DLGAP4: variants seen among roughly 807,000 people sequenced by gnomAD.
DLGAP4 encodes the protein disks large-associated protein 4.
DLGAP4 carries 18 observed loss-of-function variants against 86.9 expected under a neutral mutation model. The ratio of observed to expected loss-of-function variants is 0.21; its 90% confidence interval spans 0.14 to 0.31. The LOEUF (loss-of-function observed/expected upper bound fraction) is 0.31. Ranked by LOEUF, DLGAP4 falls within the 10% of genes least tolerant of loss-of-function variation. The pLI is 1.00. For synonymous variants in DLGAP4, 548 were observed against 574.3 expected, an observed-to-expected ratio of 0.95 and a Z score of 0.65; for missense variants, 1,085 against 1,362.6, an observed-to-expected ratio of 0.80 and a Z score of 3.21.
At chr20:36,384,731 A>G (rs2147452600) in intron 2 of DLGAP4, among the ~76,000 whole-genome samples, 1 of 152,284 alleles carries the variant, frequency 6.6e-6, no homozygotes, top group Admixed American at 6.5e-5. Flanking sequence ...ACCTCATAGA[A>G]CTTCCTGCAA....
chr20:36,439,607 A>G (rs2033386623), intron 4 of DLGAP4, 147 bp from the exon 5 acceptor site: 2 of 656,030 alleles, frequency 3.0e-6, no homozygotes, highest in East Asian at 2.8e-5. Flanking sequence ...GGTTTTAAAC[A>G]GTCAAATACA....
At chr20:36,344,380 C>A (rs141371075) in intron 1 of DLGAP4, among the ~76,000 whole-genome samples, 1 of 152,264 alleles carries the variant, frequency 6.6e-6, no homozygotes, top group East Asian at 1.9e-4. Flanking sequence ...GTCAGCCTCC[C>A]GAAATAATAA....
chr20:36,430,138 T>G (rs1019840025), intron 2 of DLGAP4, among the ~76,000 whole-genome samples: 38 of 152,138 alleles, frequency 2.5e-4, no homozygotes, highest in African/African-American at 8.7e-4. Context: ...CTTACCTAAG[T>G]TTTGGACTAG....
intron 7 of DLGAP4, among the ~76,000 whole-genome samples, chr20:36,493,462 G>A (rs968944761): frequency 3.9e-5 from 6 of 152,158 alleles, no homozygotes; most frequent in South Asian, 4.1e-4. Flanking sequence ...AATCCCTCCC[G>A]CCCTTCCGGA....
At position 36,436,361 on chromosome 20, in the gene DLGAP4, A is replaced by C; in HGVS notation, c.1241+11A>C. 1 of 1,585,150 alleles carries C rather than the reference A, an allele frequency of 6.3e-7. No individual in the cohort carries two copies. ...GAGCAACCCCCGCAGGTAGGCGCGC[A>C]GCTCCACCCTTACGGTCCCGCCCAG... On this transcript the variant is annotated intron_variant, in intron 4 of 12. Coordinates refer to ENST00000339266, the MANE Select transcript of DLGAP4 (RefSeq NM_001365621.2).
chr20:36,514,463 T>C (rs1321799310), intron 10 of DLGAP4, among the ~76,000 whole-genome samples: 4 of 152,158 alleles, frequency 2.6e-5, no homozygotes, highest in Non-Finnish European at 1.5e-5. Flanking sequence ...CAGGCTGAAG[T>C]GCAGTGGTGT....
At chr20:36,466,508 C>T (rs748840578) in intron 7 of DLGAP4, among the ~76,000 whole-genome samples, 14 of 152,184 alleles carry the variant, frequency 9.2e-5, no homozygotes, top group Non-Finnish European at 2.1e-4. Context: ...CTAGTCCTTA[C>T]AGGAATGTAA....
chr20:36,495,801 G>C (rs2035861121), intron 7 of DLGAP4, among the ~76,000 whole-genome samples: 1 of 152,188 alleles, frequency 6.6e-6, no homozygotes, highest in Non-Finnish European at 1.5e-5. Context: ...TGTTGGGGTG[G>C]GAATGGCAAG....
chr20:36,476,375 T>C (rs553336423), intron 7 of DLGAP4, among the ~76,000 whole-genome samples: 43 of 141,668 alleles, frequency 3.0e-4, no homozygotes, highest in African/African-American at 1.1e-3. Context: ...TCTCCCAGGC[T>C]GGAGTGCAAT....
At chr20:36,313,569 TG>T (rs1162923299) in intron 1 of DLGAP4, among the ~76,000 whole-genome samples, 2 of 151,296 alleles carry the variant, frequency 1.3e-5, no homozygotes, top group South Asian at 2.1e-4. Context: ...CACCTGCAAT[TG>T]GAGAGGAGCT....
chr20:36,417,532 C>T (rs1010233698), intron 2 of DLGAP4, among the ~76,000 whole-genome samples: 2 of 152,066 alleles, frequency 1.3e-5, no homozygotes, highest in South Asian at 2.1e-4. Flanking sequence ...CAGGTGTACA[C>T]GGCTACACCT....
At chr20:36,324,155 G>C (rs181759455) in intron 1 of DLGAP4, among the ~76,000 whole-genome samples, 2 of 152,224 alleles carry the variant, frequency 1.3e-5, no homozygotes, top group East Asian at 3.9e-4. Flanking sequence ...AGCTGGGCAC[G>C]GTGGCTCATA....
intron 10 of DLGAP4, among the ~76,000 whole-genome samples, chr20:36,518,272 T>C (rs778666082): frequency 6.6e-6 from 1 of 152,170 alleles, no homozygotes; most frequent in Non-Finnish European, 1.5e-5. Context: ...TGTATAACTC[T>C]AGTTTTGAGT....
chr20:36,461,748 T>TCAGC, intron 7 of DLGAP4: 1 of 852,112 alleles, frequency 1.2e-6, no homozygotes, highest in Non-Finnish European at 1.4e-6. Flanking sequence ...CGTCCGTCCG[T>TCAGC]CCGCCCGCCC....
chr20:36,514,977 G>A (rs376160121), intron 10 of DLGAP4, among the ~76,000 whole-genome samples: 89 of 152,222 alleles, frequency 5.8e-4, no homozygotes, highest in African/African-American at 1.9e-3. Flanking sequence ...TGGAGAGGAC[G>A]CGTAGGACGT....
intron 2 of DLGAP4, among the ~76,000 whole-genome samples, chr20:36,397,165 C>T (rs912116975): frequency 1.2e-4 from 19 of 152,182 alleles, no homozygotes; most frequent in African/African-American, 4.6e-4. Flanking sequence ...TGAGGCAGCC[C>T]TGTACTCCCT....
intron 10 of DLGAP4, among the ~76,000 whole-genome samples, chr20:36,516,572 C>A (rs942728662): frequency 1.3e-5 from 2 of 150,244 alleles, no homozygotes; most frequent in South Asian, 2.1e-4. Context: ...AGGCTGAGAC[C>A]GGAGAATCAC....
intron 6 of DLGAP4, among the ~76,000 whole-genome samples, chr20:36,444,259 G>C (rs1272498776): frequency 1.3e-5 from 2 of 152,204 alleles, no homozygotes; most frequent in Non-Finnish European, 2.9e-5. Flanking sequence ...TGCCCAATGA[G>C]ATAGCCACTA....
intron 1 of DLGAP4, among the ~76,000 whole-genome samples, chr20:36,357,136 C>T (rs1470445883): frequency 6.6e-6 from 1 of 152,166 alleles, no homozygotes; most frequent in Non-Finnish European, 1.5e-5. Flanking sequence ...CACTGCAGGA[C>T]CCTCGTGAGC....
Sources: allele counts gnomAD v4.1 joint callset (sites outside exome capture counted in the v4.1 genomes callset), GRCh38; gene constraint gnomAD v4.1.1; transcripts MANE v1.5; gene names NCBI Gene and HGNC (gene_info 2026-07-23, HGNC 2026-07-21).